Variants in DOCK7 observed in about 807,000 individuals in gnomAD.
The protein encoded by DOCK7 is dedicator of cytokinesis protein 7.
A neutral mutation model predicts 271.0 loss-of-function variants in DOCK7; 138 were observed. That is an observed-to-expected ratio of 0.51 (90% CI 0.44 to 0.59). The LOEUF (loss-of-function observed/expected upper bound fraction) is 0.59, where lower values mean the gene tolerates loss of function less well. Among genes scored for constraint, DOCK7 ranks in the 20% least tolerant of loss-of-function variants. The pLI is 0.00. For missense variants in DOCK7, 2,066 were observed against 2,592.4 expected, an observed-to-expected ratio of 0.80 and a Z score of 4.41; for synonymous variants, 823 against 876.1, an observed-to-expected ratio of 0.94 and a Z score of 1.07.
intron 7 of DOCK7, chr1:62,638,467 A>G (rs368207047): frequency 5.3e-5 from 8 of 151,092 alleles, no homozygotes; most frequent in Admixed American, 3.9e-4. Flanking sequence ...CTATCTGTAA[A>G]AAAAATTTTG....
At chr1:62,489,318 G>A (rs972164369) in intron 41 of DOCK7, among the ~76,000 whole-genome samples, 7 of 152,070 alleles carry the variant, frequency 4.6e-5, no homozygotes, top group Non-Finnish European at 8.8e-5. Flanking sequence ...GCGTGGTGGC[G>A]GGTGCCTGTA....
At chr1:62,623,862 A>G (rs1326269676) in intron 12 of DOCK7, among the ~76,000 whole-genome samples, 3 of 152,176 alleles carry the variant, frequency 2.0e-5, no homozygotes, top group African/African-American at 7.2e-5. Flanking sequence ...GATATGTAAC[A>G]GTGAAGGGGA....
intron 47 of DOCK7, among the ~76,000 whole-genome samples, chr1:62,474,913 G>A (rs916038454): frequency 8.5e-5 from 13 of 152,076 alleles, no homozygotes; most frequent in African/African-American, 2.9e-4. Flanking sequence ...GGAGATCTGG[G>A]GAAGGTAACA....
chr1:62,558,504 C>A (rs1212386225), intron 20 of DOCK7, among the ~76,000 whole-genome samples: 1 of 151,782 alleles, frequency 6.6e-6, no homozygotes, highest in Non-Finnish European at 1.5e-5. Context: ...ACCTTTCCTT[C>A]CAGAATTATA....
chr1:62,477,587 A>T, intron 44 of DOCK7, 113 bp downstream of exon 44: 1 of 1,119,910 alleles, frequency 8.9e-7, no homozygotes, highest in Non-Finnish European at 1.2e-6. Context: ...CTAACGGAGT[A>T]GTTTACTTGG....
chr1:62,681,086 A>G lies in DOCK7; in HGVS notation c.38+7141T>C, dbSNP rs919510434. Among the ~76,000 whole-genome samples the G allele has an allele frequency of 6.5e-4, 99 of 152,248 alleles. 1 individual carries two copies. Among genetic ancestry groups the G allele is most frequent in the Middle Eastern group, 3.4e-3 (1 of 294 alleles). The stretch of plus-strand genomic sequence containing the variant: ...TTCTGCTATAAAGACACATGCACAC[A>G]TATGTTTACTGCGGCACTATTCACA... On this transcript the variant is annotated intron_variant, in intron 1 of 49. Coordinates refer to ENST00000635253, the MANE Select transcript of DOCK7 (RefSeq NM_001367561.1).
At chr1:62,460,060 AC>A (rs1645470266) in intron 48 of DOCK7, among the ~76,000 whole-genome samples, 1 of 138,636 alleles carries the variant, frequency 7.2e-6, no homozygotes, top group Non-Finnish European at 1.5e-5. Flanking sequence ...AGATTTCGCC[AC>A]TACACTCCAG....
chr1:62,528,518 A>T (rs1645081114), intron 30 of DOCK7, among the ~76,000 whole-genome samples: 1 of 152,222 alleles, frequency 6.6e-6, no homozygotes, highest in South Asian at 2.1e-4. Flanking sequence ...GCTAGTCAGA[A>T]GATGTAAGAA....
intron 44 of DOCK7, 111 bp from the exon 45 acceptor site, chr1:62,476,267 A>G: frequency 3.1e-6 from 2 of 647,032 alleles, no homozygotes; most frequent in East Asian, 2.7e-5. Flanking sequence ...GTTCTGTACA[A>G]TCATATCAAT....
intron 1 of DOCK7, among the ~76,000 whole-genome samples, chr1:62,682,482 T>C (rs1448764013): frequency 6.6e-6 from 1 of 151,914 alleles, no homozygotes; most frequent in Non-Finnish European, 1.5e-5. Flanking sequence ...AGACCTGCCA[T>C]CAAAGAGCTC....
At chr1:62,490,447 GAT>G (rs1571273266) in intron 41 of DOCK7, among the ~76,000 whole-genome samples, 1 of 152,026 alleles carries the variant, frequency 6.6e-6, no homozygotes, top group East Asian at 1.9e-4. Flanking sequence ...AGAAGAGAGA[GAT>G]GTTTTCCAAA....
chr1:62,469,613 CAGAGT>C (rs1645772496), intron 48 of DOCK7, among the ~76,000 whole-genome samples: 1 of 152,160 alleles, frequency 6.6e-6, no homozygotes, highest in South Asian at 2.1e-4. Context: ...GAACAGTCAG[CAGAGT>C]AAACAGACAA....
chr1:62,477,791 T>C lies in DOCK7; in HGVS notation c.5543A>G (p.Tyr1848Cys), dbSNP rs767743963. The C allele has an allele frequency of 6.2e-7, 1 of 1,610,750 alleles. No individual in the cohort carries two copies. The highest frequency in any genetic ancestry group is 1.3e-5 in the African/African-American group (1 of 74,872). ...MFGTYFRVGF[Y>C]GTKFGDLDEQ... Reference sequence around the variant, plus strand: ...ATCCAAATCCCCGAACTTGGTTCCATAAAAACCAACACGAAAATAGGTGCC... The same window carrying C: ...ATCCAAATCCCCGAACTTGGTTCCACAAAAACCAACACGAAAATAGGTGCC... Residue 1848 changes from tyrosine to cysteine, a missense_variant, in exon 44 of 50, where the codon TAT becomes TGT. Tyr to Cys is a radical substitution (Grantham distance 194). Around this residue, in one of 2 missense-constraint regions of DOCK7, gnomAD observed 652 missense variants for 922.1 expected, o/e 0.71. Coordinates refer to ENST00000635253, the MANE Select transcript of DOCK7 (RefSeq NM_001367561.1).
At chr1:62,491,510 C>T (rs1039638354) in intron 41 of DOCK7, among the ~76,000 whole-genome samples, 2 of 152,232 alleles carry the variant, frequency 1.3e-5, no homozygotes, top group African/African-American at 4.8e-5. Context: ...TAATTCTTCA[C>T]ATACGGATGG....
intron 4 of DOCK7, among the ~76,000 whole-genome samples, chr1:62,651,716 T>A (rs1657406425): frequency 6.6e-6 from 1 of 152,214 alleles, no homozygotes; most frequent in Non-Finnish European, 1.5e-5. Flanking sequence ...TATTCTCATG[T>A]ATGTAAGTGT....
intron 2 of DOCK7, among the ~76,000 whole-genome samples, chr1:62,662,651 C>A (rs1658799413): frequency 6.6e-6 from 1 of 152,044 alleles, no homozygotes; most frequent in Admixed American, 6.6e-5. Context: ...GTCCCAGCTA[C>A]TCAGGAGGCT....
intron 2 of DOCK7, among the ~76,000 whole-genome samples, chr1:62,655,933 A>G (rs1394219561): frequency 1.3e-5 from 2 of 152,338 alleles, no homozygotes; most frequent in Non-Finnish European, 2.9e-5. Context: ...AAAATATAAT[A>G]GCCACAAAAT....
rs1325327501 is a variant in DOCK7 at position 62,489,818 on chromosome 1, T to A, written c.5362-753A>T. Among the ~76,000 whole-genome samples, 3 of 152,314 alleles carry A rather than the reference T, an allele frequency of 2.0e-5. No individual in the cohort carries two copies. In the East Asian group the frequency reaches 5.8e-4, roughly 29 times the overall value. On this transcript the variant is annotated intron_variant, in intron 41 of 49. Coordinates refer to ENST00000635253, the MANE Select transcript of DOCK7 (RefSeq NM_001367561.1). ...TACACTGGTCACAGATACCCAATTC[T>A]CCTATAATAGCATCCTGGGACATAA...
Position 62,529,396 on chromosome 1 carries a change from G to C in DOCK7, c.3662C>G (p.Ser1221Cys). ...GTACCGCGGGTCTGAGTCGTGACTG[G>C]AGAGTAAATTGTGTACCATATTGAT... ...KVINMVHNLL[S>C]SHDSDPRYSD... Residue 1221 changes from serine (S) to cysteine (C), a missense_variant, in exon 30 of 50, where the codon TCC becomes TGC. Physicochemically the swap from Ser to Cys is moderately radical, Grantham distance 112 (BLOSUM62 -1). This residue lies in a region of DOCK7 where 1,414 missense variants were observed against 1,670.4 expected (regional missense o/e 0.85). Transcript: ENST00000635253. The C allele has an allele frequency of 6.2e-7, 1 of 1,613,656 alleles. No individual in the cohort carries two copies. The highest frequency in any genetic ancestry group is 2.2e-5 in the East Asian group (1 of 44,838).
Sources: allele counts gnomAD v4.1 joint callset (sites outside exome capture counted in the v4.1 genomes callset), GRCh38; gene constraint gnomAD v4.1.1; regional missense constraint gnomAD v4.1.1; transcripts MANE v1.5; gene names NCBI Gene and HGNC (gene_info 2026-07-23, HGNC 2026-07-21).